The following FAM200A variants were observed in gnomAD, a reference collection of about 807,000 sequenced individuals.
The protein encoded by FAM200A is ZBED8 like, also known as protein FAM200A.
A neutral mutation model predicts 44.2 loss-of-function variants in FAM200A; 26 were observed. The ratio of observed to expected loss-of-function variants is 0.59; its 90% CI spans 0.43 to 0.82. The LOEUF is 0.82. Ranked by LOEUF, FAM200A falls within the 40% of genes least tolerant of loss-of-function variation. The pLI is 0.00. For missense variants in FAM200A, 606 were observed against 669.5 expected, an observed-to-expected ratio of 0.91 and a Z score of 1.05; for synonymous variants, 206 against 244.4, an observed-to-expected ratio of 0.84 and a Z score of 1.47.
Position 99,547,683 on chromosome 7 carries a change from A to C in FAM200A, c.725T>G (p.Phe242Cys), listed in dbSNP as rs1297727759. The C allele has an allele frequency of 1.3e-6, 2 of 1,551,268 alleles. No individual in the cohort carries two copies. The highest frequency in any genetic ancestry group is 2.7e-5 in the African/African-American group (2 of 73,042). The change falls in exon 2 of 2, where the codon TTT (phenylalanine) becomes TGT (cysteine). Residue 242 changes from phenylalanine to cysteine, a missense_variant. Transcript: ENST00000449309. The part of the protein sequence containing the change: ...THNNAVWNHC[F>C]IHREALVSKE... ...GGATACCAAAGCTTCTCGATGAATA[A>C]AACAGTGATTCCAAACAGCATTGTT...
exon 1 of FAM200A, chr7:99,558,481 G>C (rs1054150469): frequency 5.2e-5 from 8 of 152,382 alleles, no homozygotes; most frequent in African/African-American, 1.9e-4. Flanking sequence ...CTGCGAAAAC[G>C]AGCCTTCGAA....
upstream of FAM200A, among the ~76,000 whole-genome samples, chr7:99,554,734 A>C (rs1802644547): frequency 6.6e-6 from 1 of 152,178 alleles, no homozygotes; most frequent in Non-Finnish European, 1.5e-5. Flanking sequence ...TTTCTTCACC[A>C]GTATGCTTCA....
rs1802384581 is a variant in FAM200A, at chr7:99,546,374, A to T, written c.*312T>A. 5.2e-5 allele frequency: 11 copies of T among 213,288 alleles called. No individual in the cohort carries two copies. Among genetic ancestry groups the T allele is most frequent in the Non-Finnish European group, 8.1e-5 (9 of 111,332 alleles). 13.2% of individuals were successfully genotyped at this position (213,288 alleles called of 1,614,324 possible). A position where few individuals can be genotyped will look rare whatever the true frequency, so the allele number is the denominator to read the frequency against. On this transcript the variant is annotated 3_prime_UTR_variant, in exon 2 of 2. Coordinates refer to ENST00000449309, the MANE Select transcript of FAM200A (RefSeq NM_145111.4). ...AAATCCCTTTAAAAGTACAAATACA[A>T]TTTTTTTTTTTTGAGATGAAGTCTC...
chr7:99,553,076 T>TATATATACACAC (rs1802585077), upstream of FAM200A, among the ~76,000 whole-genome samples: 1 of 84,602 alleles, frequency 1.2e-5, no homozygotes, highest in African/African-American at 6.8e-5. Context: ...CACACATATA[T>TATATATACACAC]ATATATATAT....
In FAM200A at chr7:99,546,725, C is replaced by G; in HGVS notation, c.1683G>C (p.Trp561Cys). 1 of 1,539,454 alleles carries G rather than the reference C, an allele frequency of 6.5e-7. No homozygotes were observed. The change falls in exon 2 of 2, where the codon TGG becomes TGC. Residue 561 changes from tryptophan to cysteine, a missense_variant. Coordinates refer to ENST00000449309, the MANE Select transcript of FAM200A (RefSeq NM_145111.4). ...RVALSSCVPD[W>C]KELMNRQAHP... ...GTGCTTGTCTGTTCATAAGTTCCTT[C>G]CAGTCAGGAACACATGAAGATAATG...
intron 1 of FAM200A, among the ~76,000 whole-genome samples, chr7:99,551,493 C>A (rs191227045): frequency 3.3e-4 from 50 of 152,308 alleles, no homozygotes; most frequent in Non-Finnish European, 2.9e-4. Context: ...CCACTGCGCC[C>A]GGCCTTCACT....
At chr7:99,553,110 T>A (rs1802601887), upstream of FAM200A, among the ~76,000 whole-genome samples, 5 of 136,682 alleles carry the variant, frequency 3.7e-5, no homozygotes, top group African/African-American at 1.4e-4. Flanking sequence ...TTTTTTTTTT[T>A]TTTTTTTTCC....
chr7:99,558,373 T>C (rs943482192), exon 1 of FAM200A: 1 of 152,150 alleles, frequency 6.6e-6, no homozygotes, highest in Non-Finnish European at 1.5e-5. Flanking sequence ...CAGGGGGCGC[T>C]TTCCCAACAC....
chr7:99,552,211 C>T (rs1802553929), upstream of FAM200A: 1 of 978,902 alleles, frequency 1.0e-6, no homozygotes, highest in Admixed American at 6.2e-5. Context: ...CTGTGTAGGG[C>T]TCTAATCTCG....
upstream of FAM200A, chr7:99,552,198 T>C (rs547569610): frequency 6.1e-6 from 6 of 984,104 alleles, no homozygotes; most frequent in Non-Finnish European, 7.2e-6. Flanking sequence ...GGACTTTGCA[T>C]CCCTGTGTAG....
chr7:99,547,135 A>G lies in FAM200A; in HGVS notation c.1273T>C (p.Leu425=), dbSNP rs1461976674. 3.2e-6 allele frequency: 5 copies of G among 1,546,304 alleles called. No individual in the cohort carries two copies. In the East Asian group the frequency reaches 1.2e-4, roughly 38 times the overall value. The change falls in exon 2 of 2, where the codon TTG becomes CTG. Residue 425 remains leucine (L), a synonymous_variant. Transcript: ENST00000449309. ...CLKEIKLEIL[L]HLTSLSQTFN... ...GTTTGAGACAAAGAAGTGAGATGCA[A>G]CAATATCTCTAATTTTATTTCTTTT...
intron 1 of FAM200A, among the ~76,000 whole-genome samples, chr7:99,550,233 C>T (rs1802498112): frequency 1.3e-5 from 2 of 151,974 alleles, no homozygotes; most frequent in South Asian, 4.2e-4. Context: ...GCCTCAGCCT[C>T]CCGAGTAGCT....
chr7:99,552,464 G>A (rs1365270050), upstream of FAM200A, among the ~76,000 whole-genome samples: 2 of 152,308 alleles, frequency 1.3e-5, no homozygotes, highest in African/African-American at 4.8e-5. Context: ...CGAAGGGATT[G>A]TCTCTTGAGA....
upstream of FAM200A, among the ~76,000 whole-genome samples, chr7:99,553,255 A>T (rs1802607328): frequency 6.6e-6 from 1 of 151,312 alleles, no homozygotes. Flanking sequence ...CAGGGTTCCA[A>T]GTCATCGCTA....
Position 99,546,667 on chromosome 7 carries a change from A to G in FAM200A, c.*19T>C. ...AGCCACCACACCTGGCTATACACAG[A>G]ATTTTGTAAAGTTTGTATTTAATGT... On this transcript the variant is annotated 3_prime_UTR_variant, in exon 2 of 2. Coordinates refer to ENST00000449309, the MANE Select transcript of FAM200A (RefSeq NM_145111.4). The G allele has an allele frequency of 6.7e-7, 1 of 1,487,832 alleles. No homozygotes were observed. Among genetic ancestry groups the G allele is most frequent in the Non-Finnish European group, 8.9e-7 (1 of 1,120,168 alleles). 92.2% of individuals were successfully genotyped at this position (1,487,832 alleles called of 1,614,324 possible). A position where few individuals can be genotyped will look rare whatever the true frequency, so the allele number is the denominator to read the frequency against.
At chr7:99,556,451 A>C (rs1419992739), upstream of FAM200A, among the ~76,000 whole-genome samples, 1 of 152,200 alleles carries the variant, frequency 6.6e-6, no homozygotes, top group East Asian at 1.9e-4. Flanking sequence ...TAGATGCAGA[A>C]TTACCTTAGT....
exon 1 of FAM200A, chr7:99,558,353 G>C (rs1181166715): frequency 2.0e-5 from 3 of 152,174 alleles, no homozygotes; most frequent in Non-Finnish European, 4.4e-5. Flanking sequence ...GCTGGCGTCA[G>C]GGAGGGGCCC....
chr7:99,551,917 C>G lies in FAM200A; in HGVS notation c.-163G>C. The stretch of plus-strand genomic sequence containing the variant: ...CCACCGCCGAGGCTGGCGCGAGGAA[C>G]GGGGGCACGGACCCGCTTCCACTCC... On this transcript the variant is annotated 5_prime_UTR_variant, in exon 1 of 2. Coordinates refer to ENST00000449309, the MANE Select transcript of FAM200A (RefSeq NM_145111.4). 3 of 985,546 alleles carry G rather than the reference C, an allele frequency of 3.0e-6. No individual in the cohort carries two copies. The highest frequency in any genetic ancestry group is 3.6e-6 in the Non-Finnish European group (3 of 830,018). The allele number at this position is 985,546 out of a possible 1,614,324, so 61.1% of individuals were successfully genotyped here. A position where few individuals can be genotyped will look rare whatever the true frequency, so the allele number is the denominator to read the frequency against.
chr7:99,547,278 C>G lies in FAM200A; in HGVS notation c.1130G>C (p.Gly377Ala), dbSNP rs368996045. 1.5e-4 allele frequency: 228 copies of G among 1,551,222 alleles called. No homozygotes were observed. Among genetic ancestry groups the G allele is most frequent in the Non-Finnish European group, 1.9e-4 (219 of 1,146,926 alleles). Reference protein sequence around the residue: ...DIFQYLEHILGFQKTLLLWQA... With the variant: ...DIFQYLEHILAFQKTLLLWQA... Reference sequence around the variant, plus strand: ...CCACAATAATAACGTCTTTTGGAATCCTAGAATATGTTCAAGATACTGAAA... The same window carrying G: ...CCACAATAATAACGTCTTTTGGAATGCTAGAATATGTTCAAGATACTGAAA... Residue 377 changes from glycine (G) to alanine (A), a missense_variant, in exon 2 of 2, where the codon GGA becomes GCA. Coordinates refer to ENST00000449309, the MANE Select transcript of FAM200A (RefSeq NM_145111.4).
Sources: allele counts gnomAD v4.1 joint callset (sites outside exome capture counted in the v4.1 genomes callset), GRCh38; gene constraint gnomAD v4.1.1; transcripts MANE v1.5; gene names NCBI Gene and HGNC (gene_info 2026-07-23, HGNC 2026-07-21).